DSCAML1: variants seen among roughly 807,000 people sequenced by gnomAD.
DSCAML1 encodes DS cell adhesion molecule like 1, also known as cell adhesion molecule DSCAML1.
DSCAML1 carries 38 observed loss-of-function variants against 200.5 expected under a neutral mutation model. The observed-to-expected ratio is 0.19, with a 90% CI of 0.15 to 0.25. The LOEUF (loss-of-function observed/expected upper bound fraction) is 0.25. Ranked by LOEUF, DSCAML1 falls within the 10% of genes least tolerant of loss-of-function variation. DSCAML1 has a pLI of 1.00. For synonymous variants in DSCAML1, 1,215 were observed against 1,165.0 expected (o/e 1.04, Z -0.87); for missense variants, 2,223 against 2,858.8 (o/e 0.78, Z 5.07).
chr11:117,457,204 C>A (rs901952455), intron 19 of DSCAML1, among the ~76,000 whole-genome samples: 2 of 152,168 alleles, frequency 1.3e-5, no homozygotes, highest in East Asian at 3.9e-4. Context: ...CGCCGCCTCC[C>A]GAAGGTGAGG....
At chr11:117,443,183 A>T (rs1472330023) in intron 21 of DSCAML1, among the ~76,000 whole-genome samples, 1 of 152,206 alleles carries the variant, frequency 6.6e-6, no homozygotes, top group Admixed American at 6.5e-5. Context: ...GTCCTGGGCT[A>T]GTTGTGGCCA....
intron 3 of DSCAML1, among the ~76,000 whole-genome samples, chr11:117,757,332 A>G (rs2054710722): frequency 2.0e-5 from 3 of 152,130 alleles, no homozygotes; most frequent in Admixed American, 2.0e-4. Context: ...CATGACAATC[A>G]CTAATAGCCT....
At chr11:117,741,291 C>T (rs1565256542) in intron 3 of DSCAML1, among the ~76,000 whole-genome samples, 1 of 152,194 alleles carries the variant, frequency 6.6e-6, no homozygotes, top group South Asian at 2.1e-4. Context: ...TGGGTCTGGT[C>T]TACAAAAACC....
At chr11:117,557,904 A>G (rs2050588085) in intron 3 of DSCAML1, among the ~76,000 whole-genome samples, 1 of 151,980 alleles carries the variant, frequency 6.6e-6, no homozygotes, top group South Asian at 2.1e-4. Context: ...GGTTGTCATG[A>G]CTGGGTGTGA....
intron 14 of DSCAML1, among the ~76,000 whole-genome samples, chr11:117,472,355 C>T (rs1238311207): frequency 6.6e-6 from 1 of 152,314 alleles, no homozygotes; most frequent in East Asian, 1.9e-4. Context: ...GAGGGTCTGA[C>T]TGGCCAGTGC....
intron 1 of DSCAML1, among the ~76,000 whole-genome samples, chr11:117,788,920 C>T (rs1400169401): frequency 6.6e-6 from 1 of 152,146 alleles, no homozygotes; most frequent in Non-Finnish European, 1.5e-5. Context: ...GATTTTCTGA[C>T]AAAAGAGATC....
At chr11:117,746,563 G>A (rs911130002) in intron 3 of DSCAML1, among the ~76,000 whole-genome samples, 4 of 152,224 alleles carry the variant, frequency 2.6e-5, no homozygotes, top group South Asian at 4.1e-4. Context: ...GCCTCCCTCC[G>A]CGCTGCCATT....
chr11:117,531,621 T>C (rs1419693928), intron 4 of DSCAML1, among the ~76,000 whole-genome samples: 1 of 152,134 alleles, frequency 6.6e-6, no homozygotes, highest in Non-Finnish European at 1.5e-5. Flanking sequence ...CAGTGGCACA[T>C]ACCTGCAATC....
At chr11:117,635,505 G>A (rs1372335237) in intron 3 of DSCAML1, among the ~76,000 whole-genome samples, 1 of 151,806 alleles carries the variant, frequency 6.6e-6, no homozygotes, top group Non-Finnish European at 1.5e-5. Flanking sequence ...ACTCACTGGT[G>A]AATTCTCCAT....
Position 117,437,767 on chromosome 11 carries a change from T to G in DSCAML1, c.4432+128A>C. 3.7e-6 allele frequency: 4 copies of G among 1,072,238 alleles called. No homozygotes were observed. The South Asian group carries it at 6.7e-5, about 18-fold the overall frequency. 66.4% of individuals were successfully genotyped at this position (1,072,238 alleles called of 1,614,324 possible). A position where few individuals can be genotyped will look rare whatever the true frequency, so the allele number is the denominator to read the frequency against. ...CGGGAAGGAGGCTGAGGCTCCTCCCTTCAGTCTCCCTGCATCCCTGGACCC... is the reference window on the plus strand; with the variant it reads ...CGGGAAGGAGGCTGAGGCTCCTCCCGTCAGTCTCCCTGCATCCCTGGACCC... On this transcript the variant is annotated intron_variant, in intron 25 of 32. Coordinates refer to ENST00000651296, the MANE Select transcript of DSCAML1 (RefSeq NM_020693.4). The surrounding 1 kb of genome is among the most constrained non-coding windows in gnomAD (Gnocchi z 5.3).
rs529708860 is a variant in DSCAML1 at position 117,437,808 on chromosome 11, A to G, written c.4432+87T>C. ...CCCTGGACCCCTCCTTCCCCACCCCAGCCACCTTACACCCCATACCTGGCC... is the reference window on the plus strand; with the variant it reads ...CCCTGGACCCCTCCTTCCCCACCCCGGCCACCTTACACCCCATACCTGGCC... On this transcript the variant is annotated intron_variant, in intron 25 of 32. Transcript: ENST00000651296. This position sits in a 1 kb window ranked among gnomAD's most constrained non-coding sequence, Gnocchi z 5.3. 1 of 1,349,146 alleles carries G rather than the reference A, an allele frequency of 7.4e-7. No homozygotes were observed. The highest frequency in any genetic ancestry group is 1.5e-5 in the African/African-American group (1 of 67,860). The allele number at this position is 1,349,146 out of a possible 1,614,324, so 83.6% of individuals were successfully genotyped here. A position where few individuals can be genotyped will look rare whatever the true frequency, so the allele number is the denominator to read the frequency against.
chr11:117,628,943 A>C (rs997436291), intron 3 of DSCAML1, among the ~76,000 whole-genome samples: 1 of 151,952 alleles, frequency 6.6e-6, no homozygotes, highest in Non-Finnish European at 1.5e-5. Flanking sequence ...GGCTCATCCC[A>C]CCCCAGCCAG....
At chr11:117,778,048 C>A (rs1180679598) in intron 2 of DSCAML1, among the ~76,000 whole-genome samples, 1 of 152,224 alleles carries the variant, frequency 6.6e-6, no homozygotes, top group Non-Finnish European at 1.5e-5. Flanking sequence ...ATCCCCACCC[C>A]CTGACTGTGC....
rs761834258 is a variant in DSCAML1 at position 117,516,758 on chromosome 11, A to AGAG, written c.1511-22_1511-20dup. ...GGTGGGCCTGGGCAGGAGTCAGAAGAGAGGAGGAGGAGGAGAAGGGCATGT... is the reference window on the plus strand; with the variant it reads ...GGTGGGCCTGGGCAGGAGTCAGAAGAGAGGAGGAGGAGGAGGAGAAGGGCATGT... On this transcript the variant is annotated intron_variant, in intron 7 of 32. Coordinates refer to ENST00000651296, the MANE Select transcript of DSCAML1 (RefSeq NM_020693.4). The surrounding 1 kb of genome is among the most constrained non-coding windows in gnomAD (Gnocchi z 5.7). 27 of 1,602,272 alleles carry AGAG rather than the reference A, an allele frequency of 1.7e-5. No homozygotes were observed. The highest frequency in any genetic ancestry group is 4.5e-5 in the South Asian group (4 of 89,342).
In DSCAML1 at chr11:117,521,360, A is replaced by G; in HGVS notation, c.983T>C (p.Ile328Thr). 1.2e-6 allele frequency: 2 copies of G among 1,614,104 alleles called. No individual in the cohort carries two copies. The highest frequency in any genetic ancestry group is 1.7e-6 in the Non-Finnish European group (2 of 1,179,966). ...TLTPKKLKTG[I>T]GSTVILSCAL... ...ACAGGAGAGGATGACCGTGCTGCCA[A>G]TGCCGGTCTTCAGCTTCTTTGGTGT... Residue 328 changes from isoleucine to threonine, a missense_variant, in exon 6 of 33, where the codon ATT (isoleucine) becomes ACT (threonine). Transcript: ENST00000651296.
rs551641196 is a variant in DSCAML1, at chr11:117,570,041, A to G, written c.512-37519T>C. Among the ~76,000 whole-genome samples, 4 of 152,302 alleles carry G rather than the reference A, an allele frequency of 2.6e-5. No individual in the cohort carries two copies. In the East Asian group the frequency reaches 5.8e-4, roughly 22 times the overall value. ...AAGGATGAGGACATGTTTGCCAGGCAAAGAAGGCACGGGAGCCTTTCTGGG... is the reference window on the plus strand; with the variant it reads ...AAGGATGAGGACATGTTTGCCAGGCGAAGAAGGCACGGGAGCCTTTCTGGG... On this transcript the variant is annotated intron_variant, in intron 3 of 32. Coordinates refer to ENST00000651296, the MANE Select transcript of DSCAML1 (RefSeq NM_020693.4).
chr11:117,448,151 C>T (rs1297121807), intron 20 of DSCAML1, among the ~76,000 whole-genome samples: 7 of 152,262 alleles, frequency 4.6e-5, no homozygotes, highest in Middle Eastern at 3.4e-3. Context: ...TTCCGGAGCC[C>T]GGGAGAGGAG....
intron 3 of DSCAML1, among the ~76,000 whole-genome samples, chr11:117,637,267 T>C (rs1045086518): frequency 1.3e-5 from 2 of 152,156 alleles, no homozygotes; most frequent in South Asian, 2.1e-4. Context: ...AGTGAGACTA[T>C]GAGTTTCTTA....
chr11:117,666,122 C>G (rs1381665498), intron 3 of DSCAML1, among the ~76,000 whole-genome samples: 3 of 152,092 alleles, frequency 2.0e-5, no homozygotes, highest in Non-Finnish European at 4.4e-5. Flanking sequence ...TCCTTGGGCC[C>G]CAGGAAGCAG....
Sources: allele counts gnomAD v4.1 joint callset (sites outside exome capture counted in the v4.1 genomes callset), GRCh38; gene constraint gnomAD v4.1.1; non-coding constraint Gnocchi (gnomAD v3.1); transcripts MANE v1.5; gene names NCBI Gene and HGNC (gene_info 2026-07-23, HGNC 2026-07-21).